FAM47E: variants seen among roughly 807,000 people sequenced by gnomAD.
FAM47E encodes family with sequence similarity 47 member E, also known as protein FAM47E.
FAM47E carries 32 observed loss-of-function variants against 41.6 expected under a neutral mutation model. The ratio of observed to expected loss-of-function variants is 0.77; its 90% CI spans 0.58 to 1.03. The LOEUF (loss-of-function observed/expected upper bound fraction) is 1.03. FAM47E is among the 50% of genes least tolerant of loss of function. FAM47E has a pLI of 0.00. For synonymous variants in FAM47E, 184 were observed against 188.7 expected (o/e 0.98, Z 0.20); for missense variants, 424 against 485.4 (o/e 0.87, Z 1.19).
intron 2 of FAM47E, among the ~76,000 whole-genome samples, chr4:76,237,272 A>C (rs1334420795): frequency 6.6e-6 from 1 of 150,642 alleles, no homozygotes; most frequent in Non-Finnish European, 1.5e-5. Flanking sequence ...GCCCAACCCC[A>C]CTTCCCATCA....
At chr4:76,237,152 C>T (rs1274174090) in intron 2 of FAM47E, among the ~76,000 whole-genome samples, 1 of 152,106 alleles carries the variant, frequency 6.6e-6, no homozygotes, top group South Asian at 2.1e-4. Flanking sequence ...GCCCCGGCCT[C>T]CCAAAGTGCT....
At chr4:76,273,469 T>C (rs997279666) in intron 5 of FAM47E, among the ~76,000 whole-genome samples, 4 of 152,222 alleles carry the variant, frequency 2.6e-5, no homozygotes, top group Admixed American at 2.6e-4. Context: ...TTCTTGGTTG[T>C]ACTGTTTCTA....
intron 2 of FAM47E, among the ~76,000 whole-genome samples, chr4:76,260,568 G>A (rs1447886958): frequency 3.3e-5 from 5 of 151,456 alleles, no homozygotes; most frequent in African/African-American, 1.2e-4. Flanking sequence ...TTAACTCAAG[G>A]TGGACTAAAG....
intron 2 of FAM47E, among the ~76,000 whole-genome samples, chr4:76,237,826 G>T (rs1164743364): frequency 2.0e-5 from 3 of 152,114 alleles, no homozygotes; most frequent in African/African-American, 7.2e-5. Flanking sequence ...GATCTCACAA[G>T]AACTCACTCA....
chr4:76,263,831 T>G lies in FAM47E; in HGVS notation c.548T>G (p.Val183Gly). 1.9e-6 allele frequency: 3 copies of G among 1,551,312 alleles called. No individual in the cohort carries two copies. Among genetic ancestry groups the G allele is most frequent in the Admixed American group, 2.0e-5 (1 of 50,992 alleles). ...CTTTTAAAAAAACATTCTACCCAAG[T>G]CTACCTGGGACCGTGAGTATTGTTC... is the stretch of plus-strand genomic sequence containing the variant. ...TKLLKKHSTQ[V>G]YLGPSKKTSV... The change falls in exon 3 of 8, where the codon GTC (valine) becomes GGC (glycine). Residue 183 changes from valine to glycine, a missense_variant. Physicochemically the swap from Val to Gly is moderately radical, Grantham distance 109. Transcript: ENST00000424749.
At chr4:76,221,185 T>C (rs1025767252) in intron 2 of FAM47E, among the ~76,000 whole-genome samples, 1 of 152,230 alleles carries the variant, frequency 6.6e-6, no homozygotes, top group African/African-American at 2.4e-5. Context: ...GGCTTTCTCC[T>C]CTGGAACCGA....
chr4:76,272,150 C>T (rs1451874894), intron 5 of FAM47E, among the ~76,000 whole-genome samples: 2 of 152,116 alleles, frequency 1.3e-5, no homozygotes, highest in South Asian at 2.1e-4. Context: ...TAAATTTTTG[C>T]TGGAGTCTTA....
At chr4:76,262,938 A>T (rs936130909) in intron 2 of FAM47E, among the ~76,000 whole-genome samples, 8 of 152,018 alleles carry the variant, frequency 5.3e-5, no homozygotes, top group East Asian at 1.9e-4. Context: ...ATTTAAAAAA[A>T]TTTTTTAAAT....
At chr4:76,239,368 T>A (rs528732168) in intron 2 of FAM47E, among the ~76,000 whole-genome samples, 2 of 152,280 alleles carry the variant, frequency 1.3e-5, no homozygotes, top group South Asian at 4.1e-4. Flanking sequence ...GGTTCCAATT[T>A]CTCCACATCC....
At chr4:76,253,615 C>T (rs1329346986) in intron 1 of FAM47E, among the ~76,000 whole-genome samples, 1 of 152,026 alleles carries the variant, frequency 6.6e-6, no homozygotes, top group Non-Finnish European at 1.5e-5. Context: ...GCCTTACTCT[C>T]CTCTTGGAAC....
intron 2 of FAM47E, among the ~76,000 whole-genome samples, chr4:76,261,575 A>G (rs1294992975): frequency 1.3e-5 from 2 of 152,188 alleles, no homozygotes; most frequent in African/African-American, 2.4e-5. Flanking sequence ...TCAGAATCAG[A>G]AAATCAAATA....
chr4:76,268,977 C>A (rs567529476), intron 4 of FAM47E: 28 of 587,510 alleles, frequency 4.8e-5, no homozygotes, highest in African/African-American at 3.3e-4. Flanking sequence ...GATGAAATTT[C>A]TGGAAAGGTT....
chr4:76,256,319 G>A lies in FAM47E; in HGVS notation c.216G>A (p.Glu72=), dbSNP rs961077910. The change falls in exon 2 of 8, where the codon GAG becomes GAA. Residue 72 remains glutamate (E), a synonymous_variant. Coordinates refer to ENST00000424749, the MANE Select transcript of FAM47E (RefSeq NM_001136570.3). ...GTCTGGTGACTCAGGTCCCTGTGGA[G>A]GGCTTTCTGCCCCAGATTTATCACA... The part of the protein sequence containing the change: ...CTGLVTQVPV[E]GFLPQIYHRA... 3 of 1,551,710 alleles carry A rather than the reference G, an allele frequency of 1.9e-6. No individual in the cohort carries two copies. The highest frequency in any genetic ancestry group is 2.6e-6 in the Non-Finnish European group (3 of 1,147,008).
chr4:76,251,587 G>A, upstream of FAM47E: 1 of 1,301,160 alleles, frequency 7.7e-7, no homozygotes, highest in Non-Finnish European at 9.8e-7. Flanking sequence ...ACGTCCCCAG[G>A]CGTCGGAGAA....
In FAM47E at chr4:76,224,735, G is replaced by A. The variant is rs180914389; in HGVS notation, c.81+7047G>A. ...AAGCCACTAGGCCCAGCTAATTTTT[G>A]TTATTTTATTTTATTTATTTATTTT... is the stretch of plus-strand genomic sequence containing the variant. On this transcript the variant is annotated intron_variant, in intron 2 of 7. Coordinates refer to the FAM47E transcript ENST00000510197. Among the ~76,000 whole-genome samples, 7 of 151,974 alleles carry A rather than the reference G, an allele frequency of 4.6e-5. No homozygotes were observed. The East Asian group carries it at 1.4e-3, about 29-fold the overall frequency.
At chr4:76,241,373 GCAA>G (rs1733707153) in intron 2 of FAM47E, among the ~76,000 whole-genome samples, 1 of 152,144 alleles carries the variant, frequency 6.6e-6, no homozygotes, top group Non-Finnish European at 1.5e-5. Context: ...GGGGGAAGGT[GCAA>G]CAACAAAACA....
chr4:76,277,086 G>A (rs1735149995), intron 5 of FAM47E, among the ~76,000 whole-genome samples: 1 of 152,176 alleles, frequency 6.6e-6, no homozygotes, highest in Non-Finnish European at 1.5e-5. Flanking sequence ...ATCAGTCTAT[G>A]AACCAACAAC....
rs148605005 is a variant in FAM47E, at chr4:76,259,514, C to A, written c.420+2991C>A. Among the ~76,000 whole-genome samples the A allele has an allele frequency of 3.8e-3, 584 of 152,222 alleles. 2 individuals carry two copies. Among genetic ancestry groups the A allele is most frequent in the African/African-American group, 0.013 (559 of 41,530 alleles). On this transcript the variant is annotated intron_variant, in intron 2 of 7. Transcript: ENST00000424749. ...TGGAAATTCTAAAACTTATCTACTT[C>A]TTTATATATTAATGACTGGAAACAA...
At position 76,256,528 on chromosome 4, in the gene FAM47E, T is replaced by C. The variant is rs1300758538; in HGVS notation, c.420+5T>C. The C allele has an allele frequency of 2.6e-6, 4 of 1,545,880 alleles. No homozygotes were observed. The highest frequency in any genetic ancestry group is 3.5e-6 in the Non-Finnish European group (4 of 1,142,964). On this transcript the variant is annotated splice_donor_5th_base_variant and intron_variant, in intron 2 of 7. Coordinates refer to ENST00000424749, the MANE Select transcript of FAM47E (RefSeq NM_001136570.3). ...GAAGAAGCTATGCCCATAGAGGTGA[T>C]GTGTCCTAGGGTTTGTGGGAGGGGC...
Sources: allele counts gnomAD v4.1 joint callset (sites outside exome capture counted in the v4.1 genomes callset), GRCh38; gene constraint gnomAD v4.1.1; transcripts MANE v1.5; gene names NCBI Gene and HGNC (gene_info 2026-07-23, HGNC 2026-07-21).